RIMS2: variants seen among roughly 807,000 people sequenced by gnomAD.
The protein encoded by RIMS2 is regulating synaptic membrane exocytosis protein 2.
In RIMS2, 59 loss-of-function variants were observed where a neutral mutation model predicts 174.4. That is an observed-to-expected ratio of 0.34 (90% CI 0.27 to 0.42). The LOEUF is 0.42. RIMS2 is among the 10% of genes least tolerant of loss of function. The pLI is 1.00. For missense variants in RIMS2, 1,620 were observed against 1,666.3 expected (o/e 0.97, Z 0.48); for synonymous variants, 606 against 572.5 (o/e 1.06, Z -0.84).
At chr8:103,861,948 G>C (rs1170531222) in intron 3 of RIMS2, among the ~76,000 whole-genome samples, 1 of 152,048 alleles carries the variant, frequency 6.6e-6, no homozygotes, top group East Asian at 1.9e-4. Flanking sequence ...TTACTCTGTT[G>C]ATTATTTCTT....
chr8:103,532,724 C>A (rs1455461590), intron 1 of RIMS2, among the ~76,000 whole-genome samples: 5 of 152,188 alleles, frequency 3.3e-5, no homozygotes, highest in Non-Finnish European at 7.3e-5. Flanking sequence ...TGGTCCACTG[C>A]AAATTGCAAT....
At chr8:103,548,046 G>T (rs10093336) in intron 1 of RIMS2, among the ~76,000 whole-genome samples, 2 of 151,856 alleles carry the variant, frequency 1.3e-5, no homozygotes, top group Non-Finnish European at 2.9e-5. Flanking sequence ...AAAAGCCCAG[G>T]AGCAGATGAA....
intron 19 of RIMS2, among the ~76,000 whole-genome samples, chr8:104,224,294 G>T (rs929366941): frequency 6.6e-6 from 1 of 152,194 alleles, no homozygotes; most frequent in Non-Finnish European, 1.5e-5. Flanking sequence ...AGTACCGAAG[G>T]TGAGTTTGTG....
At chr8:103,774,287 T>C (rs2098286834) in intron 3 of RIMS2, among the ~76,000 whole-genome samples, 1 of 152,222 alleles carries the variant, frequency 6.6e-6, no homozygotes, top group Non-Finnish European at 1.5e-5. Context: ...TAAAATTAAA[T>C]ATGTACTTTC....
chr8:103,626,925 G>T (rs927112010), intron 1 of RIMS2, among the ~76,000 whole-genome samples: 2 of 152,028 alleles, frequency 1.3e-5, no homozygotes, highest in Non-Finnish European at 2.9e-5. Flanking sequence ...TACTGATGAG[G>T]GTCTATGTCC....
At chr8:103,882,225 A>G (rs2099170720) in intron 3 of RIMS2, among the ~76,000 whole-genome samples, 1 of 151,536 alleles carries the variant, frequency 6.6e-6, no homozygotes, top group Admixed American at 6.6e-5. Flanking sequence ...AAAGGCCAAT[A>G]GCAAAGATAT....
intron 16 of RIMS2, among the ~76,000 whole-genome samples, chr8:103,984,117 T>C (rs2094157409): frequency 6.6e-6 from 1 of 151,540 alleles, no homozygotes; most frequent in African/African-American, 2.4e-5. Flanking sequence ...GAGCTTGCAG[T>C]GAGCCGAGAT....
At chr8:103,838,682 C>T (rs2098919590) in intron 3 of RIMS2, among the ~76,000 whole-genome samples, 1 of 152,122 alleles carries the variant, frequency 6.6e-6, no homozygotes. Flanking sequence ...TAGGATAGGA[C>T]ACCTCTGATT....
At chr8:103,806,814 G>A (rs1469634776) in intron 3 of RIMS2, among the ~76,000 whole-genome samples, 2 of 152,066 alleles carry the variant, frequency 1.3e-5, no homozygotes, top group Non-Finnish European at 2.9e-5. Flanking sequence ...AGAACCTACC[G>A]ATAGATTTGA....
At chr8:103,824,383 A>G (rs1336371207) in intron 3 of RIMS2, among the ~76,000 whole-genome samples, 2 of 152,180 alleles carry the variant, frequency 1.3e-5, no homozygotes, top group Non-Finnish European at 1.5e-5. Context: ...CTTCCTATCC[A>G]TGTATGAATT....
chr8:103,870,978 T>A (rs1251371206), intron 3 of RIMS2, among the ~76,000 whole-genome samples: 2 of 152,222 alleles, frequency 1.3e-5, no homozygotes, highest in African/African-American at 4.8e-5. Context: ...TTATCCAACT[T>A]TCATTTATGG....
At chr8:104,142,120 CT>C (rs71297257) in intron 19 of RIMS2, among the ~76,000 whole-genome samples, 28,474 of 131,634 alleles carry the variant, frequency 0.22, 2,105 homozygotes, top group East Asian at 0.6. Flanking sequence ...AAATATCTTC[CT>C]TTTTTTTTTT....
At chr8:103,548,418 C>T (rs1051271420) in intron 1 of RIMS2, among the ~76,000 whole-genome samples, 1 of 152,126 alleles carries the variant, frequency 6.6e-6, no homozygotes, top group African/African-American at 2.4e-5. Flanking sequence ...TAAACAGAAA[C>T]CACATGATCA....
chr8:104,011,570 A>G (rs1223042705), intron 17 of RIMS2, among the ~76,000 whole-genome samples: 1 of 151,954 alleles, frequency 6.6e-6, no homozygotes, highest in African/African-American at 2.4e-5. Flanking sequence ...TCATTATCAT[A>G]TTTTTCAATT....
At chr8:103,555,544 G>A (rs114919468) in intron 1 of RIMS2, among the ~76,000 whole-genome samples, 2,043 of 152,176 alleles carry the variant, frequency 0.013, 44 homozygotes, top group African/African-American at 0.044. Flanking sequence ...ATTTCAGTGT[G>A]TCAAAGAGAT....
intron 1 of RIMS2, among the ~76,000 whole-genome samples, chr8:103,545,980 G>A (rs1844862378): frequency 6.6e-6 from 1 of 152,114 alleles, no homozygotes; most frequent in Non-Finnish European, 1.5e-5. Context: ...AATCAAGTCT[G>A]CCGTAATAAC....
chr8:104,220,690 C>A (rs2099150938), intron 19 of RIMS2, among the ~76,000 whole-genome samples: 1 of 152,136 alleles, frequency 6.6e-6, no homozygotes. Flanking sequence ...CTCAACCTTG[C>A]AGGCTTAATT....
At chr8:103,833,641 C>T (rs2154480743) in intron 3 of RIMS2, among the ~76,000 whole-genome samples, 1 of 152,062 alleles carries the variant, frequency 6.6e-6, no homozygotes, top group South Asian at 2.1e-4. Context: ...AGGTAAAGCT[C>T]ATCTAGTGAA....
chr8:103,971,695 C>T (rs1294332041), intron 15 of RIMS2, among the ~76,000 whole-genome samples: 1 of 152,022 alleles, frequency 6.6e-6, no homozygotes, highest in African/African-American at 2.4e-5. Flanking sequence ...CCTCAGCCTC[C>T]CGAGTAGCTG....
Sources: allele counts gnomAD v4.1 joint callset (sites outside exome capture counted in the v4.1 genomes callset), GRCh38; gene constraint gnomAD v4.1.1; transcripts MANE v1.5; gene names NCBI Gene and HGNC (gene_info 2026-07-23, HGNC 2026-07-21).